The following GNA14 variants were observed in gnomAD, a reference collection of about 807,000 sequenced individuals.
GNA14 encodes G protein subunit alpha 14, also known as guanine nucleotide-binding protein subunit alpha-14.
In GNA14, 50 loss-of-function variants were observed where a neutral mutation model predicts 42.0. The observed-to-expected ratio is 1.19, with a 90% CI of 0.95 to 1.51. The LOEUF (loss-of-function observed/expected upper bound fraction) is 1.51, where lower values mean the gene tolerates loss of function less well. GNA14 is among the 40% of genes most tolerant of loss of function. The probability of loss-of-function intolerance (pLI) is 0.00; values close to 1 mark genes in which losing one functional copy is unlikely to be tolerated. For missense variants in GNA14, 473 were observed against 446.2 expected (o/e 1.06, Z -0.54); for synonymous variants, 173 against 163.1 (o/e 1.06, Z -0.46).
chr9:77,615,928 TTTG>T (rs147640630), intron 1 of GNA14, among the ~76,000 whole-genome samples: 4 of 151,414 alleles, frequency 2.6e-5, no homozygotes, highest in Non-Finnish European at 5.9e-5. Context: ...GAGCAAGATT[TTTG>T]TTGTTGTTGT....
At chr9:77,494,163 T>C (rs1188033746) in intron 2 of GNA14, among the ~76,000 whole-genome samples, 2 of 152,122 alleles carry the variant, frequency 1.3e-5, no homozygotes, top group African/African-American at 4.8e-5. Flanking sequence ...GCTCAGGCAA[T>C]CTGCCCACCC....
chr9:77,564,120 T>G (rs1471718844), intron 1 of GNA14, among the ~76,000 whole-genome samples: 2 of 152,150 alleles, frequency 1.3e-5, no homozygotes, highest in Admixed American at 1.3e-4. Context: ...CACCGGATCC[T>G]TATCAAATTC....
chr9:77,591,946 G>A (rs1343248306), intron 1 of GNA14, among the ~76,000 whole-genome samples: 5 of 141,804 alleles, frequency 3.5e-5, no homozygotes, highest in South Asian at 2.2e-4. Flanking sequence ...ATGGAGTCTC[G>A]CTCTGTCACC....
At chr9:77,601,169 T>G (rs1204028082) in intron 1 of GNA14, among the ~76,000 whole-genome samples, 2 of 147,556 alleles carry the variant, frequency 1.4e-5, no homozygotes, top group African/African-American at 5.3e-5. Flanking sequence ...TGCTGAGACG[T>G]TTTTTTGTTG....
intron 1 of GNA14, among the ~76,000 whole-genome samples, chr9:77,558,329 T>C (rs1363705566): frequency 2.6e-5 from 4 of 152,124 alleles, no homozygotes; most frequent in Admixed American, 6.5e-5. Context: ...TAAGCAAATA[T>C]GGCAAAATGT....
intron 1 of GNA14, among the ~76,000 whole-genome samples, chr9:77,628,905 A>C (rs1479106311): frequency 1.3e-5 from 2 of 152,332 alleles, no homozygotes; most frequent in African/African-American, 2.4e-5. Context: ...AATTAAACTA[A>C]AGAGCTTCTG....
intron 1 of GNA14, among the ~76,000 whole-genome samples, chr9:77,603,948 A>AAAAAAAAC: frequency 4.0e-5 from 5 of 124,710 alleles, no homozygotes; most frequent in African/African-American, 1.2e-4. Context: ...CATCTCAAAA[A>AAAAAAAAC]AAAAAAACAA....
In GNA14 at chr9:77,597,361, AATG is replaced by A. The variant is rs534450633; in HGVS notation, c.124+50306_124+50308del. ...GTCTCATAGCCTGAGTCTCTGGAGA[AATG>A]ATGAACAAATTTAGCAAAAAGGGCT... On this transcript the variant is annotated intron_variant, in intron 1 of 6. Transcript: ENST00000341700. Among the ~76,000 whole-genome samples, 1,155 of 152,238 alleles carry A rather than the reference AATG, an allele frequency of 7.6e-3. 15 individuals carry two copies. Among genetic ancestry groups the A allele is most frequent in the African/African-American group, 0.026 (1,084 of 41,550 alleles).
chr9:77,536,882 T>C (rs1837605346), intron 1 of GNA14, among the ~76,000 whole-genome samples: 1 of 152,250 alleles, frequency 6.6e-6, no homozygotes, highest in Non-Finnish European at 1.5e-5. Flanking sequence ...TTTTCTAATT[T>C]GAGATATCAA....
intron 2 of GNA14, among the ~76,000 whole-genome samples, chr9:77,434,985 C>T (rs867891258): frequency 6.6e-6 from 1 of 150,744 alleles, no homozygotes; most frequent in South Asian, 2.1e-4. Flanking sequence ...AAGGAGGCGC[C>T]TTGTCTTTAG....
chr9:77,526,666 A>G (rs1837443833), intron 2 of GNA14: 1 of 152,248 alleles, frequency 6.6e-6, no homozygotes. Flanking sequence ...GAAGCCGACA[A>G]CAGATTCTCT....
chr9:77,613,242 A>G (rs555831864), intron 1 of GNA14, among the ~76,000 whole-genome samples: 9 of 152,352 alleles, frequency 5.9e-5, no homozygotes, highest in Admixed American at 2.0e-4. Flanking sequence ...ATAAATTTTA[A>G]GAGACACACA....
chr9:77,434,360 G>C lies in GNA14; in HGVS notation c.464+8C>G. 6.2e-7 allele frequency: 1 copy of C among 1,612,470 alleles called. No individual in the cohort carries two copies. Among genetic ancestry groups the C allele is most frequent in the East Asian group, 2.2e-5 (1 of 44,878 alleles). Reference sequence around the variant, plus strand: ...ACCGCGGGCGGCCAGGGTGGGCTCTGTACTCACTATTTGGCAGAGTCCGAC... The same window carrying C: ...ACCGCGGGCGGCCAGGGTGGGCTCTCTACTCACTATTTGGCAGAGTCCGAC... On this transcript the variant is annotated splice_region_variant and intron_variant, in intron 3 of 6. Transcript: ENST00000341700.
At chr9:77,506,795 A>T (rs571248419) in intron 2 of GNA14, among the ~76,000 whole-genome samples, 111 of 152,140 alleles carry the variant, frequency 7.3e-4, no homozygotes, top group African/African-American at 2.5e-3. Context: ...AAGACTGAAC[A>T]GCCACATGGG....
rs1366475229 is a variant in GNA14, at chr9:77,557,148, G to A, written c.125-27895C>T. 3.3e-5 allele frequency among the ~76,000 whole-genome samples: 5 copies of A among 152,128 alleles called. No individual in the cohort carries two copies. In the East Asian group the frequency reaches 9.6e-4, roughly 29 times the overall value. ...CTCCACAGCAGCCTTGCCCTGGGCT[G>A]ACACCAAGGAGGCATGCACTACATG... On this transcript the variant is annotated intron_variant, in intron 1 of 6. Transcript: ENST00000341700.
At chr9:77,572,687 T>C (rs1823077891) in intron 1 of GNA14, among the ~76,000 whole-genome samples, 1 of 152,210 alleles carries the variant, frequency 6.6e-6, no homozygotes, top group Admixed American at 6.5e-5. Flanking sequence ...AGAAATTAAA[T>C]ATATTAAGCA....
At chr9:77,612,995 GA>G (rs1823757552) in intron 1 of GNA14, among the ~76,000 whole-genome samples, 1 of 152,108 alleles carries the variant, frequency 6.6e-6, no homozygotes, top group Non-Finnish European at 1.5e-5. Context: ...AATGGATAAA[GA>G]AAATGTGACA....
intron 1 of GNA14, among the ~76,000 whole-genome samples, chr9:77,604,066 A>G (rs755880438): frequency 2.0e-5 from 3 of 151,816 alleles, no homozygotes; most frequent in Non-Finnish European, 2.9e-5. Flanking sequence ...TAAATATTTT[A>G]CAGCATAATG....
intron 1 of GNA14, among the ~76,000 whole-genome samples, chr9:77,556,936 A>G (rs769646159): frequency 4.4e-4 from 67 of 152,204 alleles, no homozygotes; most frequent in Non-Finnish European, 8.1e-4. Flanking sequence ...TACATTTAGA[A>G]GTTACAAAAT....
Sources: gnomAD v4.1 joint callset for allele counts (sites outside exome capture counted in the v4.1 genomes callset) on GRCh38, gnomAD v4.1.1 for gene constraint, MANE v1.5 for transcripts, NCBI Gene and HGNC (gene_info 2026-07-23, HGNC 2026-07-21) for gene names.